The following ELMO1 variants were observed in gnomAD, a reference collection of about 807,000 sequenced individuals.
The protein encoded by ELMO1 is engulfment and cell motility protein 1.
ELMO1 carries 26 observed loss-of-function variants against 98.9 expected under a neutral mutation model. The observed-to-expected ratio is 0.26, with a 90% CI of 0.19 to 0.36. The LOEUF is 0.36. Ranked by LOEUF, ELMO1 falls within the 10% of genes least tolerant of loss-of-function variation. ELMO1 has a pLI of 1.00. For missense variants in ELMO1, 627 were observed against 935.2 expected, an observed-to-expected ratio of 0.67 and a Z score of 4.30; for synonymous variants, 346 against 346.0, an observed-to-expected ratio of 1.00 and a Z score of 0.00.
intron 16 of ELMO1, among the ~76,000 whole-genome samples, chr7:36,964,148 A>C (rs1426716598): frequency 6.6e-6 from 1 of 152,210 alleles, no homozygotes; most frequent in Non-Finnish European, 1.5e-5. Flanking sequence ...TTTAATATTC[A>C]TAAAGAGAAT....
At chr7:37,194,500 T>C (rs901414021) in intron 13 of ELMO1, among the ~76,000 whole-genome samples, 1 of 152,184 alleles carries the variant, frequency 6.6e-6, no homozygotes, top group African/African-American at 2.4e-5. Context: ...TCTTCCAACT[T>C]CCTGCCATCT....
intron 16 of ELMO1, chr7:36,986,088 AAC>A (rs1791485263): frequency 2.0e-6 from 2 of 993,696 alleles, no homozygotes; most frequent in African/African-American, 3.5e-5. Flanking sequence ...GAGCCATGTG[AAC>A]AGAGACCCGC....
intron 8 of ELMO1, among the ~76,000 whole-genome samples, chr7:37,228,102 TTTTA>T (rs142834814): frequency 0.01 from 1,562 of 152,280 alleles, 28 homozygotes; most frequent in African/African-American, 0.035. Context: ...CTTTCTTTTG[TTTTA>T]TTTGTCACTG....
rs1583629538 is a variant in ELMO1, at chr7:37,364,334, T to C, written c.-73-21571A>G. ...AATATGTATTCTGCCAAATATGATG[T>C]TAAATCTATGACTAAAATTGTTCCC... On this transcript the variant is annotated intron_variant, in intron 1 of 21. Coordinates refer to ENST00000310758, the MANE Select transcript of ELMO1 (RefSeq NM_014800.11). Among the ~76,000 whole-genome samples the C allele has an allele frequency of 2.0e-5, 3 of 152,354 alleles. No individual in the cohort carries two copies. The South Asian group carries it at 6.2e-4, about 32-fold the overall frequency.
At chr7:36,890,675 G>A (rs1174541048) in intron 17 of ELMO1, among the ~76,000 whole-genome samples, 1 of 152,004 alleles carries the variant, frequency 6.6e-6, no homozygotes, top group African/African-American at 2.4e-5. Context: ...TCTTGCTTGG[G>A]TTATTAAAAT....
Position 37,362,021 on chromosome 7 carries a change from G to T in ELMO1, c.-73-19258C>A, listed in dbSNP as rs1490510973. Among the ~76,000 whole-genome samples, 2 of 152,012 alleles carry T rather than the reference G, an allele frequency of 1.3e-5. 1 individual carries two copies. Among genetic ancestry groups the T allele is most frequent in the African/African-American group, 4.8e-5 (2 of 41,382 alleles). Reference sequence around the variant, plus strand: ...GAGGTGGAAGCAGAGTCTGCAAGGGGGCACAAGGGAACTTTTCAGGGTGAT... The same window carrying T: ...GAGGTGGAAGCAGAGTCTGCAAGGGTGCACAAGGGAACTTTTCAGGGTGAT... On this transcript the variant is annotated intron_variant, in intron 1 of 21. Coordinates refer to ENST00000310758, the MANE Select transcript of ELMO1 (RefSeq NM_014800.11).
At chr7:37,114,880 T>A (rs925043023) in intron 14 of ELMO1, among the ~76,000 whole-genome samples, 1 of 151,766 alleles carries the variant, frequency 6.6e-6, no homozygotes, top group African/African-American at 2.4e-5. Flanking sequence ...CTCAACAAGA[T>A]GAAAGGAAAA....
intron 1 of ELMO1, among the ~76,000 whole-genome samples, chr7:37,447,638 ACCC>A (rs148859083): frequency 1.5e-5 from 2 of 130,234 alleles, no homozygotes; most frequent in Admixed American, 1.5e-4. Context: ...CACCCACAAC[ACCC>A]CCCCCACACA....
At chr7:37,415,216 C>A (rs1322688445) in intron 1 of ELMO1, among the ~76,000 whole-genome samples, 5 of 152,334 alleles carry the variant, frequency 3.3e-5, no homozygotes, top group African/African-American at 1.2e-4. Context: ...CAGCTACTGC[C>A]TGAGCAAATT....
intron 13 of ELMO1, among the ~76,000 whole-genome samples, chr7:37,178,606 A>C (rs1790643815): frequency 1.8e-5 from 1 of 56,972 alleles, no homozygotes; most frequent in African/African-American, 4.9e-5. Context: ...TGTCTCAAAA[A>C]AATTTTTTTA....
At chr7:37,013,494 A>G (rs1793706194) in intron 15 of ELMO1, 59 bp from the exon 16 acceptor site, 1 of 1,589,268 alleles carries the variant, frequency 6.3e-7, no homozygotes, top group Non-Finnish European at 8.6e-7. Context: ...ACACGAGAAC[A>G]TAACCACAGG....
At chr7:37,437,397 T>C (rs1295117198) in intron 1 of ELMO1, among the ~76,000 whole-genome samples, 1 of 152,244 alleles carries the variant, frequency 6.6e-6, no homozygotes, top group Admixed American at 6.5e-5. Context: ...GGACCCTAAA[T>C]TGCTAACTTC....
intron 13 of ELMO1, among the ~76,000 whole-genome samples, chr7:37,174,454 T>C (rs772624247): frequency 2.0e-5 from 3 of 152,220 alleles, no homozygotes; most frequent in Non-Finnish European, 4.4e-5. Context: ...GACGCAGGCA[T>C]TGTGCCTAAA....
chr7:37,436,755 C>A (rs1313131607), intron 1 of ELMO1, among the ~76,000 whole-genome samples: 1 of 152,188 alleles, frequency 6.6e-6, no homozygotes. Flanking sequence ...GAAATGGAAG[C>A]AGGTGGCTTC....
chr7:37,383,562 A>G (rs915865863), intron 1 of ELMO1, among the ~76,000 whole-genome samples: 2 of 152,264 alleles, frequency 1.3e-5, no homozygotes, highest in African/African-American at 4.8e-5. Flanking sequence ...AACATTTCAT[A>G]AATGAGCACA....
At chr7:37,067,267 G>A (rs1173631835) in intron 15 of ELMO1, among the ~76,000 whole-genome samples, 1 of 152,136 alleles carries the variant, frequency 6.6e-6, no homozygotes, top group Non-Finnish European at 1.5e-5. Context: ...GTGCTAAGGT[G>A]CCCCATCAAT....
At chr7:37,404,669 T>C (rs1165177553) in intron 1 of ELMO1, among the ~76,000 whole-genome samples, 1 of 152,146 alleles carries the variant, frequency 6.6e-6, no homozygotes, top group Non-Finnish European at 1.5e-5. Flanking sequence ...GTTCCTCCTC[T>C]TTGTGGCAAT....
intron 16 of ELMO1, among the ~76,000 whole-genome samples, chr7:36,906,318 T>C (rs1317415321): frequency 6.6e-6 from 1 of 152,268 alleles, no homozygotes; most frequent in Non-Finnish European, 1.5e-5. Flanking sequence ...TTTCACCCTT[T>C]TAGCACAGAT....
rs186392382 is a variant in ELMO1, at chr7:37,402,518, C to T, written c.-74+46157G>A. Among the ~76,000 whole-genome samples, 23 of 152,236 alleles carry T rather than the reference C, an allele frequency of 1.5e-4. No individual in the cohort carries two copies. In the East Asian group the frequency reaches 4.4e-3, roughly 29 times the overall value. On this transcript the variant is annotated intron_variant, in intron 1 of 21. Coordinates refer to ENST00000310758, the MANE Select transcript of ELMO1 (RefSeq NM_014800.11). The stretch of plus-strand genomic sequence containing the variant: ...TTTGGGAACTTGATGCCTGGTGCTA[C>T]AGCCGCCATCTTAAGACCATGAAGT...
Sources: allele counts gnomAD v4.1 joint callset (sites outside exome capture counted in the v4.1 genomes callset), GRCh38; gene constraint gnomAD v4.1.1; transcripts MANE v1.5; gene names NCBI Gene and HGNC (gene_info 2026-07-23, HGNC 2026-07-21).